Variants in ARPC4 observed in about 807,000 individuals in gnomAD.
The protein encoded by ARPC4 is actin-related protein 2/3 complex subunit 4.
ARPC4 carries 3 observed loss-of-function variants against 22.8 expected under a neutral mutation model. The observed-to-expected ratio is 0.13, with a 90% CI of 0.06 to 0.34. ARPC4 has a LOEUF of 0.34. Among genes scored for constraint, ARPC4 ranks in the 10% least tolerant of loss-of-function variants. ARPC4 has a pLI of 1.00. For missense variants in ARPC4, 98 were observed against 211.0 expected, an observed-to-expected ratio of 0.46 and a Z score of 3.32; for synonymous variants, 80 against 72.5, an observed-to-expected ratio of 1.10 and a Z score of -0.52.
chr3:9,803,618 C>T (rs946716020), intron 4 of ARPC4: 19 of 693,666 alleles, frequency 2.7e-5, no homozygotes, highest in Non-Finnish European at 4.5e-5. Flanking sequence ...CCAGAGATGT[C>T]TGATACACAC....
At position 9,793,109 on chromosome 3, in the gene ARPC4, G is replaced by C; in HGVS notation, c.-13G>C. ...TTCCGTACTTCCGCTTTCCGGCCCA[G>C]CCAGCGCCCGCGATGGTGAGAGAGC... is the stretch of plus-strand genomic sequence containing the variant. On this transcript the variant is annotated 5_prime_UTR_variant, in exon 1 of 6. Transcript: ENST00000397261. The C allele has an allele frequency of 3.2e-6, 5 of 1,544,056 alleles. No homozygotes were observed. Among genetic ancestry groups the C allele is most frequent in the Non-Finnish European group, 4.4e-6 (5 of 1,144,250 alleles).
intron 4 of ARPC4, among the ~76,000 whole-genome samples, chr3:9,801,967 G>A (rs752571456): frequency 2.7e-4 from 41 of 152,258 alleles, no homozygotes; most frequent in Non-Finnish European, 4.3e-4. Flanking sequence ...AGAGCCGGGC[G>A]TGGTGGCTCA....
chr3:9,806,483 C>A lies in ARPC4; in HGVS notation c.*268C>A. The A allele has an allele frequency of 3.7e-6, 2 of 534,108 alleles. No individual in the cohort carries two copies. Among genetic ancestry groups the A allele is most frequent in the Non-Finnish European group, 6.7e-6 (2 of 296,798 alleles). 33.1% of individuals were successfully genotyped at this position (534,108 alleles called of 1,614,324 possible). On this transcript the variant is annotated 3_prime_UTR_variant, in exon 6 of 6. Transcript: ENST00000397261. ...TTTTTTTAACGTCTTGAAACTTAAA[C>A]TCTGTGCTTGTAGGATACTGTAACC... is the stretch of plus-strand genomic sequence containing the variant.
rs781046388 is a variant in ARPC4 at position 9,797,645 on chromosome 3, GTTA to G, written c.4-11_4-9del. 4.3e-6 allele frequency: 7 copies of G among 1,611,132 alleles called. No individual in the cohort carries two copies. In the East Asian group the frequency reaches 8.9e-5, roughly 21 times the overall value. On this transcript the variant is annotated splice_polypyrimidine_tract_variant and intron_variant, in intron 1 of 5. Transcript: ENST00000397261. ...GATTTTGATCTTCCCTTTCCTCTGT[GTTA>G]TTTCCTATAGACTGCCACTCTCCGC...
At chr3:9,797,593 T>C in intron 1 of ARPC4, 66 bp from the exon 2 acceptor site, 1 of 1,553,732 alleles carries the variant, frequency 6.4e-7, no homozygotes, top group Non-Finnish European at 8.8e-7. Context: ...GGAGCTGGAA[T>C]AGGGGATCGG....
At chr3:9,800,700 C>T (rs1407459615) in intron 3 of ARPC4, among the ~76,000 whole-genome samples, 1 of 151,956 alleles carries the variant, frequency 6.6e-6, no homozygotes, top group Non-Finnish European at 1.5e-5. Flanking sequence ...ACTGGGATTA[C>T]AGTCATGAGC....
chr3:9,806,473 G>T lies in ARPC4; in HGVS notation c.*258G>T. The T allele has an allele frequency of 1.9e-6, 1 of 523,074 alleles. No individual in the cohort carries two copies. The highest frequency in any genetic ancestry group is 3.5e-6 in the Non-Finnish European group (1 of 288,564). The allele number at this position is 523,074 out of a possible 1,614,324, so 32.4% of individuals were successfully genotyped here. On this transcript the variant is annotated 3_prime_UTR_variant, in exon 6 of 6. Coordinates refer to ENST00000397261, the MANE Select transcript of ARPC4 (RefSeq NM_005718.5). Reference sequence around the variant, plus strand: ...CGGGACAGATTTTTTTTAACGTCTTGAAACTTAAACTCTGTGCTTGTAGGA... The same window carrying T: ...CGGGACAGATTTTTTTTAACGTCTTTAAACTTAAACTCTGTGCTTGTAGGA...
In ARPC4 at chr3:9,793,112, A is replaced by G. The variant is rs765453240; in HGVS notation, c.-10A>G. ...CGTACTTCCGCTTTCCGGCCCAGCC[A>G]GCGCCCGCGATGGTGAGAGAGCCGG... On this transcript the variant is annotated 5_prime_UTR_variant, in exon 1 of 6. Coordinates refer to ENST00000397261, the MANE Select transcript of ARPC4 (RefSeq NM_005718.5). The G allele has an allele frequency of 6.5e-7, 1 of 1,544,042 alleles. No individual in the cohort carries two copies. The highest frequency in any genetic ancestry group is 8.7e-7 in the Non-Finnish European group (1 of 1,144,164).
chr3:9,802,666 C>T (rs1457921952), intron 4 of ARPC4, among the ~76,000 whole-genome samples: 3 of 127,520 alleles, frequency 2.4e-5, no homozygotes, highest in Admixed American at 8.7e-5. Context: ...TGAGCCACCG[C>T]GCCTGGCCTT....
chr3:9,799,449 T>G (rs576392333), intron 2 of ARPC4, among the ~76,000 whole-genome samples: 2 of 152,150 alleles, frequency 1.3e-5, no homozygotes, highest in South Asian at 2.1e-4. Context: ...TTTCAGGTTT[T>G]TTTTTTTTTT....
rs1348424847 is a variant in ARPC4 at position 9,806,537 on chromosome 3, T to A, written c.*322T>A. On this transcript the variant is annotated 3_prime_UTR_variant, in exon 6 of 6. Coordinates refer to ENST00000397261, the MANE Select transcript of ARPC4 (RefSeq NM_005718.5). ...TTGTCTTTTTTTTTTTTTTTTTTTT[T>A]AAACCTCCACCTCCAGTGGCTGTGA... The A allele has an allele frequency of 7.9e-5, 25 of 315,534 alleles. No homozygotes were observed. Among genetic ancestry groups the A allele is most frequent in the East Asian group, 3.1e-4 (5 of 16,366 alleles). The allele number at this position is 315,534 out of a possible 1,614,324, so 19.5% of individuals were successfully genotyped here.
upstream of ARPC4, chr3:9,792,745 A>C (rs1328422746): frequency 8.0e-7 from 1 of 1,243,050 alleles, no homozygotes; most frequent in East Asian, 3.2e-5. Flanking sequence ...ACAGAACCGG[A>C]AGAAACGAAG....
At chr3:9,803,244 T>C (rs2079049766) in intron 4 of ARPC4, among the ~76,000 whole-genome samples, 1 of 152,234 alleles carries the variant, frequency 6.6e-6, no homozygotes, top group Admixed American at 6.5e-5. Context: ...GAATTTGTAC[T>C]TGAATCTTCT....
At chr3:9,798,777 G>A (rs531878184) in intron 2 of ARPC4, among the ~76,000 whole-genome samples, 14 of 152,288 alleles carry the variant, frequency 9.2e-5, no homozygotes, top group Admixed American at 3.9e-4. Context: ...GGGAGGCTGA[G>A]GCAGGAGAAT....
chr3:9,804,202 C>T (rs1246776477), intron 5 of ARPC4, 189 bp downstream of exon 5: 1 of 554,254 alleles, frequency 1.8e-6, no homozygotes, highest in African/African-American at 1.9e-5. Flanking sequence ...TCTCTGAGAG[C>T]TACAAGGCAT....
chr3:9,806,318 G>A lies in ARPC4; in HGVS notation c.*103G>A, dbSNP rs1575338634. ...AGCAGCGCGGCGGCGGCAGGGAGTT[G>A]GGTTGGGGTGGGCATTTGATGCGGG... is the stretch of plus-strand genomic sequence containing the variant. On this transcript the variant is annotated 3_prime_UTR_variant, in exon 6 of 6. Coordinates refer to ENST00000397261, the MANE Select transcript of ARPC4 (RefSeq NM_005718.5). 3.0e-6 allele frequency: 4 copies of A among 1,334,022 alleles called. No individual in the cohort carries two copies. Among genetic ancestry groups the A allele is most frequent in the East Asian group, 2.3e-5 (1 of 43,504 alleles). The allele number at this position is 1,334,022 out of a possible 1,614,324, so 82.6% of individuals were successfully genotyped here.
intron 2 of ARPC4, 173 bp from the exon 3 acceptor site, chr3:9,800,012 T>G (rs1249968878): frequency 2.8e-6 from 2 of 707,112 alleles, no homozygotes; most frequent in Non-Finnish European, 5.0e-6. Flanking sequence ...TCAGAGCCTG[T>G]GCTCTTTCTG....
At chr3:9,796,046 A>C (rs879704869) in intron 1 of ARPC4, among the ~76,000 whole-genome samples, 1 of 152,188 alleles carries the variant, frequency 6.6e-6, no homozygotes, top group Non-Finnish European at 1.5e-5. Context: ...CAGTGAGCCA[A>C]GATTGCACCA....
At chr3:9,795,989 G>T (rs1005075904) in intron 1 of ARPC4, among the ~76,000 whole-genome samples, 2 of 152,172 alleles carry the variant, frequency 1.3e-5, no homozygotes, top group East Asian at 1.9e-4. Context: ...TCAGCTATTC[G>T]CATGGCTGAG....
Sources: gnomAD v4.1 joint callset for allele counts (sites outside exome capture counted in the v4.1 genomes callset) on GRCh38, gnomAD v4.1.1 for gene constraint, MANE v1.5 for transcripts, NCBI Gene and HGNC (gene_info 2026-07-23, HGNC 2026-07-21) for gene names.